The following CD96 variants were observed in gnomAD, a reference collection of about 807,000 sequenced individuals.
The protein encoded by CD96 is CD96 molecule.
Under a neutral mutation model 71.3 loss-of-function variants are expected in CD96, and 70 were observed. The observed-to-expected ratio is 0.98, with a 90% confidence interval of 0.81 to 1.20. The LOEUF (loss-of-function observed/expected upper bound fraction) is 1.20. Among genes scored for constraint, CD96 ranks in the 50% most tolerant of loss-of-function variants. The pLI is 0.00. For synonymous variants in CD96, 248 were observed against 233.0 expected, an observed-to-expected ratio of 1.06 and a Z score of -0.59; for missense variants, 742 against 677.5, an observed-to-expected ratio of 1.10 and a Z score of -1.06.
intron 14 of CD96, among the ~76,000 whole-genome samples, chr3:111,660,934 C>T (rs954127115): frequency 6.6e-6 from 1 of 152,134 alleles, no homozygotes; most frequent in East Asian, 1.9e-4. Context: ...CTAGGAAATA[C>T]TATTGATGAC....
intron 5 of CD96, chr3:111,593,403 A>T: frequency 9.6e-7 from 1 of 1,044,950 alleles, no homozygotes; most frequent in Non-Finnish European, 1.3e-6. Context: ...AGACCTGCTC[A>T]GATTAACTCA....
At position 111,602,946 on chromosome 3, in the gene CD96, A is replaced by G. The variant is rs78276363; in HGVS notation, c.1087+2032A>G. Among the ~76,000 whole-genome samples, 369 of 152,262 alleles carry G rather than the reference A, an allele frequency of 2.4e-3. 1 individual carries two copies. Among genetic ancestry groups the G allele is most frequent in the Middle Eastern group, 0.017 (5 of 294 alleles). ...AAGGGTATTAATGTTGGAGACTGTG[A>G]GGTAACAGCCCTTTGAGGTGATTCC... is the stretch of plus-strand genomic sequence containing the variant. On this transcript the variant is annotated intron_variant, in intron 7 of 13. Coordinates refer to ENST00000352690, the MANE Select transcript of CD96 (RefSeq NM_005816.5).
At chr3:111,661,233 A>T (rs1940346781) in intron 14 of CD96, among the ~76,000 whole-genome samples, 1 of 152,128 alleles carries the variant, frequency 6.6e-6, no homozygotes, top group South Asian at 2.1e-4. Flanking sequence ...GAAGGGGGAC[A>T]CCCACTTCCA....
intron 5 of CD96, chr3:111,593,694 G>A (rs376107359): frequency 2.9e-5 from 47 of 1,613,332 alleles, no homozygotes; most frequent in Admixed American, 2.2e-4. Flanking sequence ...GCCCTCTCCC[G>A]CCATTCCACT....
At chr3:111,591,881 G>A (rs1937005593) in intron 5 of CD96, among the ~76,000 whole-genome samples, 1 of 152,260 alleles carries the variant, frequency 6.6e-6, no homozygotes, top group African/African-American at 2.4e-5. Context: ...GACAGGTCTA[G>A]AAGTGAGGGC....
Position 111,635,775 on chromosome 3 carries a change from T to C in CD96, c.1322-1421T>C, listed in dbSNP as rs188339110. Among the ~76,000 whole-genome samples, 3 of 152,316 alleles carry C rather than the reference T, an allele frequency of 2.0e-5. No homozygotes were observed. The East Asian group carries it at 5.8e-4, about 29-fold the overall frequency. On this transcript the variant is annotated intron_variant, in intron 10 of 13. Coordinates refer to ENST00000352690, the MANE Select transcript of CD96 (RefSeq NM_005816.5). ...CAGCCATTTAGACTTTAGCGTAAAT[T>C]AATTTATCCCATTCTTTCTTGCAAA...
At chr3:111,632,928 A>G (rs967524454) in intron 10 of CD96, among the ~76,000 whole-genome samples, 1 of 152,188 alleles carries the variant, frequency 6.6e-6, no homozygotes, top group Non-Finnish European at 1.5e-5. Context: ...GTTATCATTT[A>G]TGTGTTCACT....
At chr3:111,576,964 T>G (rs1419726104) in intron 3 of CD96, among the ~76,000 whole-genome samples, 1 of 152,164 alleles carries the variant, frequency 6.6e-6, no homozygotes, top group Admixed American at 6.5e-5. Context: ...TCTCCTTATA[T>G]TGTAGGTTAC....
intron 8 of CD96, among the ~76,000 whole-genome samples, chr3:111,622,029 T>C (rs944428025): frequency 6.6e-6 from 1 of 152,196 alleles, no homozygotes; most frequent in Non-Finnish European, 1.5e-5. Context: ...TACTGATGGC[T>C]CAGTGGGATG....
chr3:111,553,149 C>T (rs529034320), intron 2 of CD96, among the ~76,000 whole-genome samples: 4 of 57,182 alleles, frequency 7.0e-5, no homozygotes, highest in African/African-American at 2.6e-4. Context: ...TTCAATATCC[C>T]ATCAGCCTGA....
chr3:111,612,133 G>A (rs185342829), intron 8 of CD96, among the ~76,000 whole-genome samples: 1 of 152,320 alleles, frequency 6.6e-6, no homozygotes, highest in Admixed American at 6.5e-5. Flanking sequence ...GTGGGAAAAT[G>A]TCAGGAAAAC....
chr3:111,653,776 T>TA (rs1940162424), downstream of CD96, among the ~76,000 whole-genome samples: 1 of 152,222 alleles, frequency 6.6e-6, no homozygotes, highest in Non-Finnish European at 1.5e-5. Flanking sequence ...ATTTTTTTTT[T>TA]ACACTTGATC....
At chr3:111,590,943 T>G (rs1936948162) in intron 5 of CD96, among the ~76,000 whole-genome samples, 1 of 152,188 alleles carries the variant, frequency 6.6e-6, no homozygotes, top group South Asian at 2.1e-4. Flanking sequence ...TATCACTCGC[T>G]ACCTTTGTTA....
chr3:111,584,741 G>A (rs73228175), intron 4 of CD96, among the ~76,000 whole-genome samples: 12,348 of 152,188 alleles, frequency 0.081, 697 homozygotes, highest in Non-Finnish European at 0.12. Context: ...ATTACCTCTC[G>A]CTGGGTCTCT....
At chr3:111,636,894 A>G (rs1017228882) in intron 10 of CD96, among the ~76,000 whole-genome samples, 15 of 151,760 alleles carry the variant, frequency 9.9e-5, no homozygotes, top group African/African-American at 3.6e-4. Flanking sequence ...TGGCTCATCT[A>G]TGGAATGAGC....
In CD96 at chr3:111,650,989, T is replaced by A. The variant is rs886057779; in HGVS notation, c.*1183T>A. 5 of 152,234 alleles carry A rather than the reference T, an allele frequency of 3.3e-5. No homozygotes were observed. The East Asian group carries it at 9.6e-4, about 29-fold the overall frequency. 9.4% of individuals were successfully genotyped at this position (152,234 alleles called of 1,614,324 possible). ...AAAGGAAACTTTAGTTCACTTGCAG[T>A]ATGCTTATCCTTGACTGCACATGAG... On this transcript the variant is annotated 3_prime_UTR_variant, in exon 14 of 14. Transcript: ENST00000352690.
At chr3:111,546,909 C>G (rs1306750623) in intron 2 of CD96, among the ~76,000 whole-genome samples, 1 of 145,706 alleles carries the variant, frequency 6.9e-6, no homozygotes, top group Non-Finnish European at 1.5e-5. Context: ...CACACACACA[C>G]ACAGACACAT....
intron 10 of CD96, among the ~76,000 whole-genome samples, chr3:111,629,501 C>T (rs565824620): frequency 1.3e-5 from 2 of 152,260 alleles, no homozygotes; most frequent in African/African-American, 4.8e-5. Flanking sequence ...TACAGGAGCA[C>T]TCAGATTCAT....
At chr3:111,622,634 C>T (rs1938569592) in intron 8 of CD96, among the ~76,000 whole-genome samples, 1 of 152,170 alleles carries the variant, frequency 6.6e-6, no homozygotes, top group South Asian at 2.1e-4. Context: ...AAGCTGGCTG[C>T]CATTCACTAC....
Sources: allele counts gnomAD v4.1 joint callset (sites outside exome capture counted in the v4.1 genomes callset), GRCh38; gene constraint gnomAD v4.1.1; transcripts MANE v1.5; gene names NCBI Gene and HGNC (gene_info 2026-07-23, HGNC 2026-07-21).